The following SBNO1 variants were observed in gnomAD, a reference collection of about 807,000 sequenced individuals.
SBNO1 encodes the protein protein strawberry notch homolog 1.
A neutral mutation model predicts 173.6 loss-of-function variants in SBNO1; 23 were observed. The observed-to-expected ratio is 0.13, with a 90% confidence interval of 0.10 to 0.19. SBNO1 has a LOEUF of 0.19. Ranked by LOEUF, SBNO1 falls within the 10% of genes least tolerant of loss-of-function variation. The pLI, the probability that SBNO1 is intolerant of heterozygous loss-of-function variation, is 1.00. For synonymous variants in SBNO1, 632 were observed against 571.5 expected, an observed-to-expected ratio of 1.11 and a Z score of -1.51; for missense variants, 1,238 against 1,671.2, an observed-to-expected ratio of 0.74 and a Z score of 4.52.
chr12:123,314,793 C>T (rs1242125152), intron 23 of SBNO1, among the ~76,000 whole-genome samples: 1 of 152,142 alleles, frequency 6.6e-6, no homozygotes, highest in Non-Finnish European at 1.5e-5. Flanking sequence ...GATGGGATTT[C>T]ACTATGTTGG....
At chr12:123,326,544 T>A (rs1322126484) in intron 13 of SBNO1, among the ~76,000 whole-genome samples, 1 of 152,236 alleles carries the variant, frequency 6.6e-6, no homozygotes, top group African/African-American at 2.4e-5. Flanking sequence ...GAAAATAATG[T>A]GATTTTAAGA....
chr12:123,311,710 ATCTATC>A (rs1193227573), intron 24 of SBNO1, among the ~76,000 whole-genome samples: 5 of 62,146 alleles, frequency 8.0e-5, no homozygotes, highest in African/African-American at 2.4e-4. Context: ...CTATCTATCT[ATCTATC>A]TATCTATATA....
chr12:123,347,988 A>T, intron 3 of SBNO1, 41 bp downstream of exon 3: 1 of 1,295,032 alleles, frequency 7.7e-7, no homozygotes, highest in Non-Finnish European at 1.1e-6. Context: ...CTACACTTCT[A>T]AACTATTTTA....
At chr12:123,349,914 GA>G (rs879915885) in intron 2 of SBNO1, among the ~76,000 whole-genome samples, 3,363 of 141,174 alleles carry the variant, frequency 0.024, 46 homozygotes, top group Non-Finnish European at 0.032. Flanking sequence ...CTCCGTCTCA[GA>G]AAAAAAAAAA....
chr12:123,364,508 G>A (rs968672432), intron 1 of SBNO1, 193 bp downstream of exon 1: 41 of 983,702 alleles, frequency 4.2e-5, no homozygotes, highest in Non-Finnish European at 4.6e-5. Context: ...CAACGGAGCC[G>A]CCGTCGGGAA....
At position 123,324,179 on chromosome 12, in the gene SBNO1, C is replaced by T. The variant is rs1028095848; in HGVS notation, c.1974-348G>A. Among the ~76,000 whole-genome samples, 4 of 151,962 alleles carry T rather than the reference C, an allele frequency of 2.6e-5. No homozygotes were observed. In the East Asian group the frequency reaches 7.7e-4, roughly 29 times the overall value. On this transcript the variant is annotated intron_variant, in intron 15 of 31. Coordinates refer to ENST00000602398, the MANE Select transcript of SBNO1 (RefSeq NM_001167856.3). ...GGAGTCTTTGAAACCTGGCTCAGTA[C>T]ACATATAATAACATCTCAATATGGA...
intron 16 of SBNO1, among the ~76,000 whole-genome samples, chr12:123,322,541 G>C (rs1392579908): frequency 6.6e-6 from 1 of 151,548 alleles, no homozygotes; most frequent in Non-Finnish European, 1.5e-5. Flanking sequence ...CAGGTGATCC[G>C]CCTGTTTCAA....
intron 30 of SBNO1, among the ~76,000 whole-genome samples, chr12:123,299,721 C>T (rs188865153): frequency 2.5e-4 from 37 of 147,148 alleles, no homozygotes; most frequent in African/African-American, 8.1e-4. Flanking sequence ...AGTGTGTTGG[C>T]GCATGCCTGT....
chr12:123,340,383 C>A (rs964683691), intron 5 of SBNO1, among the ~76,000 whole-genome samples: 3 of 151,938 alleles, frequency 2.0e-5, no homozygotes, highest in Non-Finnish European at 2.9e-5. Context: ...GAGTTCGAGA[C>A]CATCCTGGCC....
At chr12:123,342,574 A>G (rs989974123) in intron 4 of SBNO1, among the ~76,000 whole-genome samples, 1 of 152,244 alleles carries the variant, frequency 6.6e-6, no homozygotes. Context: ...AGAAAAATCA[A>G]TTTGGGAACT....
intron 20 of SBNO1, among the ~76,000 whole-genome samples, chr12:123,318,227 G>A (rs1869521580): frequency 6.6e-6 from 1 of 152,188 alleles, no homozygotes; most frequent in Non-Finnish European, 1.5e-5. Context: ...ATCATTTGAG[G>A]TCAGGAGTTC....
intron 24 of SBNO1, among the ~76,000 whole-genome samples, chr12:123,312,118 A>T (rs942984076): frequency 6.6e-6 from 1 of 150,442 alleles, no homozygotes; most frequent in African/African-American, 2.5e-5. Flanking sequence ...CTCTCTCACC[A>T]GTCTGGAATG....
At chr12:123,340,078 T>G (rs1417495285) in intron 5 of SBNO1, among the ~76,000 whole-genome samples, 1 of 152,180 alleles carries the variant, frequency 6.6e-6, no homozygotes, top group Non-Finnish European at 1.5e-5. Flanking sequence ...TTATTGTGAG[T>G]AGCACATTGC....
At position 123,320,901 on chromosome 12, in the gene SBNO1, T is replaced by C. The variant is rs750071696; in HGVS notation, c.2324-35A>G. The C allele has an allele frequency of 3.4e-6, 5 of 1,450,626 alleles. No homozygotes were observed. The East Asian group carries it at 1.2e-4, about 34-fold the overall frequency. 89.9% of individuals were successfully genotyped at this position (1,450,626 alleles called of 1,614,324 possible). A position where few individuals can be genotyped will look rare whatever the true frequency, so the allele number is the denominator to read the frequency against. ...AAGGAAAGATACATGTCAAATCATT[T>C]GTTAAAACAAGTACAGAATCTTCAA... On this transcript the variant is annotated intron_variant, in intron 17 of 31. Coordinates refer to ENST00000602398, the MANE Select transcript of SBNO1 (RefSeq NM_001167856.3).
intron 3 of SBNO1, among the ~76,000 whole-genome samples, chr12:123,347,568 C>G (rs1873350485): frequency 6.6e-6 from 1 of 151,506 alleles, no homozygotes; most frequent in East Asian, 1.9e-4. Context: ...CTCTGTCGCC[C>G]AGGCTGGAGT....
At position 123,315,625 on chromosome 12, in the gene SBNO1, C is replaced by A; in HGVS notation, c.2971G>T (p.Glu991Ter). 6.2e-7 allele frequency: 1 copy of A among 1,613,898 alleles called. No individual in the cohort carries two copies. Among genetic ancestry groups the A allele is most frequent in the Non-Finnish European group, 8.5e-7 (1 of 1,179,848 alleles). ...THRSNQVTAP[E>*]YVFLISELAG... is the part of the protein sequence containing the mutation. ...AGTTCAGATATCAGAAAGACATACT[C>A]AGGAGCAGTAACTTGGTTTGATCTA... is the stretch of plus-strand genomic sequence containing the variant. Residue 991 changes from glutamate (E) to a stop codon, truncating the protein, a stop_gained, in exon 22 of 32, where the codon GAG (glutamate) becomes TAG (stop). Transcript: ENST00000602398. LOFTEE classifies it high-confidence loss of function.
chr12:123,363,104 T>C (rs1283047070), intron 1 of SBNO1, among the ~76,000 whole-genome samples: 1 of 151,606 alleles, frequency 6.6e-6, no homozygotes, highest in Non-Finnish European at 1.5e-5. Context: ...AAAAATAGCA[T>C]AAATATTCCA....
At chr12:123,356,532 C>T (rs1001785442) in intron 1 of SBNO1, among the ~76,000 whole-genome samples, 3 of 152,178 alleles carry the variant, frequency 2.0e-5, no homozygotes, top group African/African-American at 7.2e-5. Flanking sequence ...AATCCGCCCC[C>T]CTGGGTTCAA....
At position 123,291,062 on chromosome 12, in the gene SBNO1, A is replaced by C. The variant is rs1415816690; in HGVS notation, c.*4846T>G. 1 of 152,214 alleles carries C rather than the reference A, an allele frequency of 6.6e-6. No homozygotes were observed. The highest frequency in any genetic ancestry group is 2.4e-5 in the African/African-American group (1 of 41,406). 9.4% of individuals were successfully genotyped at this position (152,214 alleles called of 1,614,324 possible). ...CGCACCCGGCCAATGTACATTCTCTAAAGTCACCTGTCAATAACACACTAG... is the reference window on the plus strand; with the variant it reads ...CGCACCCGGCCAATGTACATTCTCTCAAGTCACCTGTCAATAACACACTAG... On this transcript the variant is annotated 3_prime_UTR_variant, in exon 32 of 32. Transcript: ENST00000602398.
Sources: gnomAD v4.1 joint callset for allele counts (sites outside exome capture counted in the v4.1 genomes callset) on GRCh38, gnomAD v4.1.1 for gene constraint, MANE v1.5 for transcripts, NCBI Gene and HGNC (gene_info 2026-07-23, HGNC 2026-07-21) for gene names.